Variants in PFKP observed in about 807,000 individuals in gnomAD.
The protein encoded by PFKP is phosphofructokinase, platelet, also known as ATP-dependent 6-phosphofructokinase, platelet type.
In PFKP, 101 loss-of-function variants were observed where a neutral mutation model predicts 94.3. That is an observed-to-expected ratio of 1.07 (90% CI 0.91 to 1.26). The LOEUF (loss-of-function observed/expected upper bound fraction) is 1.26. PFKP is among the 50% of genes most tolerant of loss of function. PFKP has a pLI of 0.00. For missense variants in PFKP, 1,145 were observed against 1,103.3 expected, an observed-to-expected ratio of 1.04 and a Z score of -0.53; for synonymous variants, 573 against 432.6, an observed-to-expected ratio of 1.32 and a Z score of -4.03.
chr10:3,104,925 A>G (rs1835387248), intron 5 of PFKP, 190 bp from the exon 6 acceptor site: 1 of 666,002 alleles, frequency 1.5e-6, no homozygotes, highest in Non-Finnish European at 2.7e-6. Context: ...CTGGAAGGCT[A>G]CTGCATAGCG....
chr10:3,125,065 C>G (rs770154248), intron 16 of PFKP: 3 of 1,199,916 alleles, frequency 2.5e-6, no homozygotes. Flanking sequence ...GCACCCGGCA[C>G]CCCCGCTAAC....
At chr10:3,098,493 G>A (rs1269948286) in intron 2 of PFKP, among the ~76,000 whole-genome samples, 1 of 151,872 alleles carries the variant, frequency 6.6e-6, no homozygotes, top group African/African-American at 2.4e-5. Context: ...GGCCAACAAG[G>A]TGAAGCCCCG....
chr10:3,069,411 G>T (rs773412897), intron 1 of PFKP: 5 of 1,576,140 alleles, frequency 3.2e-6, no homozygotes, highest in South Asian at 1.2e-5. Context: ...GCCGCCTTGG[G>T]GTCGGGATAG....
chr10:3,120,854 G>C (rs1837332654), intron 16 of PFKP, among the ~76,000 whole-genome samples: 1 of 152,130 alleles, frequency 6.6e-6, no homozygotes, highest in Non-Finnish European at 1.5e-5. Context: ...TCCCATGTTT[G>C]TGTGTCACGC....
At chr10:3,102,246 G>A (rs1408067235) in intron 4 of PFKP, among the ~76,000 whole-genome samples, 6 of 25,508 alleles carry the variant, frequency 2.4e-4, no homozygotes, top group East Asian at 9.5e-4. Flanking sequence ...GCGAGACTCT[G>A]TCTCAAAAAA....
chr10:3,130,014 C>T (rs372328903), intron 17 of PFKP, 31 bp downstream of exon 17: 157 of 1,541,206 alleles, frequency 1.0e-4, no homozygotes, highest in South Asian at 2.0e-4. Flanking sequence ...CAGGGCCCGT[C>T]CCCTTGGGAT....
rs1305843360 is a variant in PFKP at position 3,136,606 on chromosome 10, G to A, written c.*27G>A. 6.2e-7 allele frequency: 1 copy of A among 1,611,568 alleles called. No individual in the cohort carries two copies. Among genetic ancestry groups the A allele is most frequent in the Admixed American group, 1.7e-5 (1 of 59,842 alleles). The stretch of plus-strand genomic sequence containing the variant: ...CCAGTCCCGCCTGCATGTGCCTGCA[G>A]CCACCGTGGACTGTCTGTTTTTGTA... On this transcript the variant is annotated 3_prime_UTR_variant, in exon 22 of 22. Coordinates refer to ENST00000381125, the MANE Select transcript of PFKP (RefSeq NM_002627.5).
intron 1 of PFKP, among the ~76,000 whole-genome samples, chr10:3,080,725 C>T (rs1833004035): frequency 6.6e-6 from 1 of 152,102 alleles, no homozygotes. Context: ...AGAATATATT[C>T]ATAAATTATT....
intron 1 of PFKP, among the ~76,000 whole-genome samples, chr10:3,069,840 G>A (rs993327323): frequency 2.6e-5 from 4 of 152,264 alleles, no homozygotes; most frequent in African/African-American, 9.6e-5. Context: ...GTACAGGCAT[G>A]TGAGATTAGG....
chr10:3,128,148 A>G (rs906109026), intron 16 of PFKP, among the ~76,000 whole-genome samples: 15 of 152,190 alleles, frequency 9.9e-5, no homozygotes, highest in South Asian at 2.1e-4. Context: ...ATTCAGAGAC[A>G]AGCATTTCTT....
intron 5 of PFKP, among the ~76,000 whole-genome samples, 162 bp downstream of exon 5, chr10:3,104,106 A>C (rs1394982076): frequency 6.6e-6 from 1 of 152,332 alleles, no homozygotes; most frequent in East Asian, 1.9e-4. Flanking sequence ...TCTCTGGTCT[A>C]CTTTTCATTT....
At chr10:3,117,810 C>T (rs1836987183) in intron 14 of PFKP, among the ~76,000 whole-genome samples, 2 of 152,208 alleles carry the variant, frequency 1.3e-5, no homozygotes, top group African/African-American at 2.4e-5. Context: ...AGAGAGGACT[C>T]GCTGGCTGTT....
intron 5 of PFKP, chr10:3,104,849 G>A (rs925573380): frequency 3.1e-5 from 17 of 547,016 alleles, no homozygotes; most frequent in Non-Finnish European, 5.2e-5. Flanking sequence ...GCACAGGCAG[G>A]CAGAAGGTGT....
At chr10:3,131,988 C>CAT (rs1838640137) in intron 17 of PFKP, among the ~76,000 whole-genome samples, 2 of 152,170 alleles carry the variant, frequency 1.3e-5, no homozygotes, top group African/African-American at 4.8e-5. Flanking sequence ...CAGGCCGTCA[C>CAT]ATGAGATTCC....
chr10:3,104,704 A>T (rs1835367287), intron 5 of PFKP: 1 of 254,068 alleles, frequency 3.9e-6, no homozygotes, highest in African/African-American at 2.5e-5. Context: ...TTAAGCACTT[A>T]GTGAGTCTGG....
At chr10:3,080,787 G>A (rs1035676117) in intron 1 of PFKP, among the ~76,000 whole-genome samples, 1 of 152,206 alleles carries the variant, frequency 6.6e-6, no homozygotes, top group Non-Finnish European at 1.5e-5. Context: ...TCTGGCCACA[G>A]TGTGGCTCAT....
chr10:3,128,197 G>A (rs1302041973), intron 16 of PFKP, among the ~76,000 whole-genome samples: 3 of 152,212 alleles, frequency 2.0e-5, no homozygotes, highest in Admixed American at 6.5e-5. Context: ...TGCTGCTGAT[G>A]GTGCACTGGT....
intron 10 of PFKP, among the ~76,000 whole-genome samples, chr10:3,110,880 A>G (rs540802357): frequency 5.3e-5 from 8 of 150,760 alleles, no homozygotes; most frequent in Non-Finnish European, 1.2e-4. Flanking sequence ...GTATGTCTGC[A>G]TGTATGTGTG....
intron 2 of PFKP, among the ~76,000 whole-genome samples, chr10:3,089,436 C>T (rs916285982): frequency 2.6e-5 from 4 of 151,682 alleles, no homozygotes; most frequent in African/African-American, 4.8e-5. Flanking sequence ...CTCTTTCTGC[C>T]GATTCCCTTT....
Sources: gnomAD v4.1 joint callset for allele counts (sites outside exome capture counted in the v4.1 genomes callset) on GRCh38, gnomAD v4.1.1 for gene constraint, MANE v1.5 for transcripts, NCBI Gene and HGNC (gene_info 2026-07-23, HGNC 2026-07-21) for gene names.